The following SMAD2 variants were observed in gnomAD, a reference collection of about 807,000 sequenced individuals.
SMAD2 encodes SMAD family member 2.
A neutral mutation model predicts 64.4 loss-of-function variants in SMAD2; 8 were observed. The ratio of observed to expected loss-of-function variants is 0.12; its 90% confidence interval spans 0.07 to 0.22. SMAD2 has a LOEUF of 0.22. Among genes scored for constraint, SMAD2 ranks in the 10% least tolerant of loss-of-function variants. The pLI is 1.00. For missense variants in SMAD2, 289 were observed against 561.2 expected (o/e 0.51, Z 4.90); for synonymous variants, 203 against 195.8 (o/e 1.04, Z -0.31).
intron 3 of SMAD2, 71 bp from the exon 4 acceptor site, chr18:47,869,507 G>T (rs1598804587): frequency 3.9e-6 from 4 of 1,030,410 alleles, no homozygotes; most frequent in Non-Finnish European, 5.8e-6. Context: ...AGTCAAATGG[G>T]CTAAATTAGT....
At chr18:47,901,213 G>A (rs1211824502) in intron 1 of SMAD2, among the ~76,000 whole-genome samples, 1 of 152,144 alleles carries the variant, frequency 6.6e-6, no homozygotes, top group African/African-American at 2.4e-5. Flanking sequence ...ACACATAAAG[G>A]ATTGTGGTAA....
chr18:47,826,100 A>AACCT lies in SMAD2; in HGVS notation c.*15723_*15726dup, dbSNP rs1313504489. Reference sequence around the variant, plus strand: ...ATGGCCAGGAGCAACCACAATGATTAACCTTTAGATAGAAAACACAATCCT... The same window carrying AACCT: ...ATGGCCAGGAGCAACCACAATGATTAACCTACCTTTAGATAGAAAACACAATCCT... On this transcript the variant is annotated 3_prime_UTR_variant, in exon 11 of 11. Transcript: ENST00000262160. 5 of 152,236 alleles carry AACCT rather than the reference A, an allele frequency of 3.3e-5. No homozygotes were observed. The highest frequency in any genetic ancestry group is 5.9e-5 in the Non-Finnish European group (4 of 68,058). The allele number at this position is 152,236 out of a possible 1,614,324, so 9.4% of individuals were successfully genotyped here.
intron 7 of SMAD2, among the ~76,000 whole-genome samples, chr18:47,850,239 T>TTATATATTGTA (rs1915029285): frequency 1.6e-5 from 1 of 62,582 alleles, no homozygotes. Context: ...ATATTATATA[T>TTATATATTGTA]TATATATTAT....
intron 8 of SMAD2, among the ~76,000 whole-genome samples, chr18:47,846,498 G>A (rs1344294188): frequency 2.6e-5 from 4 of 152,154 alleles, no homozygotes; most frequent in Admixed American, 1.3e-4. Flanking sequence ...TTTTTCAGAT[G>A]TAATTAAGGC....
rs962026811 is a variant in SMAD2 at position 47,930,624 on chromosome 18, G to C, written c.-317C>G. Reference sequence around the variant, plus strand: ...GAAGGGGAGGGGAGGGAGCCTGGCCGCCGCCCGCGGGGAAGGAGGGGGTGA... The same window carrying C: ...GAAGGGGAGGGGAGGGAGCCTGGCCCCCGCCCGCGGGGAAGGAGGGGGTGA... On this transcript the variant is annotated 5_prime_UTR_variant, in exon 1 of 11. Coordinates refer to ENST00000262160, the MANE Select transcript of SMAD2 (RefSeq NM_005901.6). 1 of 150,234 alleles carries C rather than the reference G, an allele frequency of 6.7e-6. No homozygotes were observed. Among genetic ancestry groups the C allele is most frequent in the Non-Finnish European group, 1.5e-5 (1 of 67,408 alleles). 9.3% of individuals were successfully genotyped at this position (150,234 alleles called of 1,614,324 possible).
chr18:47,822,117 T>A lies in SMAD2; in HGVS notation c.*19710A>T, dbSNP rs1423001303. 6.6e-6 allele frequency: 1 copy of A among 152,240 alleles called. No homozygotes were observed. The highest frequency in any genetic ancestry group is 1.5e-5 in the Non-Finnish European group (1 of 68,040). 9.4% of individuals were successfully genotyped at this position (152,240 alleles called of 1,614,324 possible). A position where few individuals can be genotyped will look rare whatever the true frequency, so the allele number is the denominator to read the frequency against. Reference sequence around the variant, plus strand: ...CTAGACACAGTTACATTTATGAGTATGTTATTGATATGAGTGTTCCAAAAT... The same window carrying A: ...CTAGACACAGTTACATTTATGAGTAAGTTATTGATATGAGTGTTCCAAAAT... On this transcript the variant is annotated 3_prime_UTR_variant, in exon 11 of 11. Coordinates refer to ENST00000262160, the MANE Select transcript of SMAD2 (RefSeq NM_005901.6).
At chr18:47,902,995 T>C (rs570849673) in intron 1 of SMAD2, among the ~76,000 whole-genome samples, 1 of 152,238 alleles carries the variant, frequency 6.6e-6, no homozygotes, top group East Asian at 1.9e-4. Flanking sequence ...TTCCACTAAG[T>C]ACTTGCAAAA....
chr18:47,860,615 C>A (rs767910831), intron 6 of SMAD2, among the ~76,000 whole-genome samples: 4 of 151,920 alleles, frequency 2.6e-5, no homozygotes, highest in Non-Finnish European at 4.4e-5. Flanking sequence ...ATAATGCCAA[C>A]CTTAAAGAAA....
At position 47,828,935 on chromosome 18, in the gene SMAD2, T is replaced by TTAAA. The variant is rs1555639812; in HGVS notation, c.*12891_*12892insTTTA. 1 of 32,486 alleles carries TTAAA rather than the reference T, an allele frequency of 3.1e-5. No individual in the cohort carries two copies. Among genetic ancestry groups the TTAAA allele is most frequent in the Non-Finnish European group, 5.2e-5 (1 of 19,152 alleles). 2.0% of individuals were successfully genotyped at this position (32,486 alleles called of 1,614,324 possible). A position where few individuals can be genotyped will look rare whatever the true frequency, so the allele number is the denominator to read the frequency against. On this transcript the variant is annotated 3_prime_UTR_variant, in exon 11 of 11. Transcript: ENST00000262160. Reference sequence around the variant, plus strand: ...ACACCCAAGAATGATCAATAAATACTAAAAAAAAAAAAAAAAAAAAAAAAA... The same window carrying TTAAA: ...ACACCCAAGAATGATCAATAAATACTTAAAAAAAAAAAAAAAAAAAAAAAAAAAA...
chr18:47,833,729 C>G lies in SMAD2; in HGVS notation c.*8098G>C, dbSNP rs1913138675. 4.3e-6 allele frequency: 1 copy of G among 230,962 alleles called. No homozygotes were observed. Among genetic ancestry groups the G allele is most frequent in the African/African-American group, 2.2e-5 (1 of 45,332 alleles). 14.3% of individuals were successfully genotyped at this position (230,962 alleles called of 1,614,324 possible). On this transcript the variant is annotated 3_prime_UTR_variant, in exon 11 of 11. Coordinates refer to ENST00000262160, the MANE Select transcript of SMAD2 (RefSeq NM_005901.6). ...TGGCTGATGCATTTAATCATTTTAA[C>G]ACAACATTCACGGAAAAATGTTAAC...
At chr18:47,924,904 A>G (rs1265309847) in intron 1 of SMAD2, among the ~76,000 whole-genome samples, 1 of 152,254 alleles carries the variant, frequency 6.6e-6, no homozygotes, top group Non-Finnish European at 1.5e-5. Flanking sequence ...ACTTTTAAAC[A>G]TAGGCAAACT....
In SMAD2 at chr18:47,838,326, T is replaced by C. The variant is rs893899241; in HGVS notation, c.*3501A>G. ...AAAACTTACAAAGAAAATTTAGCTT[T>C]CAAGAAAAATTAGGCAGATTTCCTT... On this transcript the variant is annotated 3_prime_UTR_variant, in exon 11 of 11. Transcript: ENST00000262160. 1.3e-5 allele frequency: 3 copies of C among 233,154 alleles called. No homozygotes were observed. The highest frequency in any genetic ancestry group is 6.6e-5 in the African/African-American group (3 of 45,340). The allele number at this position is 233,154 out of a possible 1,614,324, so 14.4% of individuals were successfully genotyped here. A position where few individuals can be genotyped will look rare whatever the true frequency, so the allele number is the denominator to read the frequency against.
intron 2 of SMAD2, among the ~76,000 whole-genome samples, chr18:47,874,684 T>A (rs780308061): frequency 6.6e-6 from 1 of 152,136 alleles, no homozygotes; most frequent in African/African-American, 2.4e-5. Flanking sequence ...TGCTACTCCC[T>A]GTATTAAAAA....
chr18:47,912,859 A>G (rs1279349070), intron 1 of SMAD2, among the ~76,000 whole-genome samples: 1 of 82,880 alleles, frequency 1.2e-5, no homozygotes, highest in East Asian at 3.8e-4. Flanking sequence ...TATAAACAGC[A>G]AAAAAAAAAA....
At chr18:47,929,625 G>A (rs2034914732) in intron 1 of SMAD2, among the ~76,000 whole-genome samples, 1 of 152,112 alleles carries the variant, frequency 6.6e-6, no homozygotes, top group African/African-American at 2.4e-5. Context: ...CACACTGGTG[G>A]TATTTTGCTT....
intron 1 of SMAD2, among the ~76,000 whole-genome samples, chr18:47,925,127 G>A (rs2034713583): frequency 6.6e-6 from 1 of 152,108 alleles, no homozygotes; most frequent in Admixed American, 6.5e-5. Context: ...TTTACATTAA[G>A]GTAGACACGT....
In SMAD2 at chr18:47,837,992, T is replaced by C; in HGVS notation, c.*3835A>G. ...TAACACTGAATAAATGCTGAACCTA[T>C]TTAGTAGTTAAAGAAAAAAGAGAAG... is the stretch of plus-strand genomic sequence containing the variant. On this transcript the variant is annotated 3_prime_UTR_variant, in exon 11 of 11. Coordinates refer to ENST00000262160, the MANE Select transcript of SMAD2 (RefSeq NM_005901.6). The C allele has an allele frequency of 4.3e-6, 1 of 232,652 alleles. No individual in the cohort carries two copies. The highest frequency in any genetic ancestry group is 6.1e-5 in the East Asian group (1 of 16,458). 14.4% of individuals were successfully genotyped at this position (232,652 alleles called of 1,614,324 possible). A position where few individuals can be genotyped will look rare whatever the true frequency, so the allele number is the denominator to read the frequency against.
At chr18:47,880,158 A>G (rs1389757210) in intron 2 of SMAD2, among the ~76,000 whole-genome samples, 1 of 152,198 alleles carries the variant, frequency 6.6e-6, no homozygotes, top group Non-Finnish European at 1.5e-5. Flanking sequence ...ATACCAATGG[A>G]GTCTAACTTA....
At chr18:47,863,229 A>G (rs749861805) in intron 6 of SMAD2, among the ~76,000 whole-genome samples, 2 of 152,190 alleles carry the variant, frequency 1.3e-5, no homozygotes, top group Non-Finnish European at 2.9e-5. Context: ...TGGCCCCAAG[A>G]GAGAAACTGA....
Sources: allele counts gnomAD v4.1 joint callset (sites outside exome capture counted in the v4.1 genomes callset), GRCh38; gene constraint gnomAD v4.1.1; transcripts MANE v1.5; gene names NCBI Gene and HGNC (gene_info 2026-07-23, HGNC 2026-07-21).